The following PHGDH variants were observed in gnomAD, a reference collection of about 807,000 sequenced individuals.
The protein encoded by PHGDH is D-3-phosphoglycerate dehydrogenase.
Under a neutral mutation model 52.6 loss-of-function variants are expected in PHGDH, and 50 were observed. The observed-to-expected ratio is 0.95, with a 90% confidence interval of 0.76 to 1.20. The LOEUF (loss-of-function observed/expected upper bound fraction) is 1.20, where lower values mean the gene tolerates loss of function less well. Among genes scored for constraint, PHGDH ranks in the 50% most tolerant of loss-of-function variants. The pLI, the probability that PHGDH is intolerant of heterozygous loss-of-function variation, is 0.00. For missense variants in PHGDH, 630 were observed against 684.6 expected (o/e 0.92, Z 0.89); for synonymous variants, 271 against 280.5 (o/e 0.97, Z 0.34).
At chr1:119,726,562 A>G in intron 3 of PHGDH, 1 of 530,600 alleles carries the variant, frequency 1.9e-6, no homozygotes, top group Non-Finnish European at 3.4e-6. Context: ...GCTTAAAGTA[A>G]AAAACTCACT....
At chr1:119,741,629 C>T in intron 9 of PHGDH, 138 bp from the exon 10 acceptor site, 1 of 793,582 alleles carries the variant, frequency 1.3e-6, no homozygotes, top group Non-Finnish European at 2.2e-6. Context: ...GCGAGTGGAC[C>T]TGCCTGGAGC....
At chr1:119,723,294 T>G in intron 2 of PHGDH, 82 bp from the exon 3 acceptor site, 1 of 1,065,318 alleles carries the variant, frequency 9.4e-7, no homozygotes, top group Non-Finnish European at 1.5e-6. Context: ...GAACACAGCC[T>G]GCACTCAAGG....
Position 119,712,059 on chromosome 1 carries a change from G to A in PHGDH, c.37G>A (p.Asp13Asn). The change falls in exon 1 of 12, where the codon GAC becomes AAC. Residue 13 changes from aspartate to asparagine, a missense_variant. Asp to Asn is a conservative substitution (Grantham distance 23). Coordinates refer to ENST00000641023, the MANE Select transcript of PHGDH (RefSeq NM_006623.4). The stretch of plus-strand genomic sequence containing the variant: ...AAATCTGCGGAAAGTGCTCATCAGT[G>A]ACAGCCTGGACCCTTGCTGCCGGAA... ...FANLRKVLIS[D>N]SLDPCCRKIL... 6.2e-7 allele frequency: 1 copy of A among 1,614,232 alleles called. No individual in the cohort carries two copies. Among genetic ancestry groups the A allele is most frequent in the Non-Finnish European group, 8.5e-7 (1 of 1,180,032 alleles).
intron 3 of PHGDH, chr1:119,724,406 C>T: frequency 4.7e-6 from 1 of 214,384 alleles, no homozygotes; most frequent in South Asian, 7.6e-5. Flanking sequence ...GGGGAATTTA[C>T]CTCTGCTCTA....
chr1:119,743,903 G>C lies in PHGDH; in HGVS notation c.1465G>C (p.Gly489Arg). 2.5e-6 allele frequency: 4 copies of C among 1,614,012 alleles called. No individual in the cohort carries two copies. Among genetic ancestry groups the C allele is most frequent in the Non-Finnish European group, 3.4e-6 (4 of 1,179,886 alleles). Reference protein sequence around the residue: ...PTMIGLLAEAGVRLLSYQTSL... With the variant: ...PTMIGLLAEARVRLLSYQTSL... The stretch of plus-strand genomic sequence containing the variant: ...ATTTCCAGGCCTCCTGGCAGAGGCA[G>C]GCGTGCGGCTGCTGTCCTACCAGAC... Residue 489 changes from glycine to arginine, a missense_variant, in exon 12 of 12, where the codon GGC (glycine) becomes CGC (arginine). By Grantham distance (125) the Gly-to-Arg change is moderately radical (BLOSUM62 -2). Coordinates refer to ENST00000641023, the MANE Select transcript of PHGDH (RefSeq NM_006623.4).
At chr1:119,718,685 G>T (rs1651027991) in intron 1 of PHGDH, among the ~76,000 whole-genome samples, 1 of 152,190 alleles carries the variant, frequency 6.6e-6, no homozygotes, top group South Asian at 2.1e-4. Flanking sequence ...CCTTGGAGTT[G>T]TGAAGAGAAT....
intron 10 of PHGDH, 113 bp from the exon 11 acceptor site, chr1:119,742,694 C>T (rs1652265260): frequency 4.0e-6 from 3 of 741,352 alleles, no homozygotes; most frequent in Admixed American, 2.0e-5. Flanking sequence ...AATTACTGAG[C>T]ACATTATCCA....
chr1:119,719,078 A>G (rs1395346429), intron 1 of PHGDH, among the ~76,000 whole-genome samples: 1 of 152,172 alleles, frequency 6.6e-6, no homozygotes, highest in Non-Finnish European at 1.5e-5. Flanking sequence ...AGATGCCAGT[A>G]TCCTGTTTCT....
Position 119,727,063 on chromosome 1 carries a change from G to C in PHGDH, c.471G>C (p.Gly157=). ...TLGILGLGRI[G]REVATRMQSF... is the part of the protein sequence containing the mutation. ...GAATTCTTGGCCTGGGCAGGATTGG[G>C]AGAGAGGTAGCTACCCGGATGCAGT... The change falls in exon 5 of 12, where the codon GGG becomes GGC. Residue 157 remains glycine (G), a synonymous_variant. Transcript: ENST00000641023. The C allele has an allele frequency of 1.9e-6, 3 of 1,612,734 alleles. No homozygotes were observed. The highest frequency in any genetic ancestry group is 2.5e-6 in the Non-Finnish European group (3 of 1,178,638).
At chr1:119,721,071 G>C in intron 1 of PHGDH, 99 bp from the exon 2 acceptor site, 2 of 1,143,338 alleles carry the variant, frequency 1.7e-6, no homozygotes, top group Non-Finnish European at 2.7e-6. Flanking sequence ...TAAGGTTCCG[G>C]AAATGCATCT....
chr1:119,717,146 C>T (rs187742698), intron 1 of PHGDH, among the ~76,000 whole-genome samples: 6 of 139,594 alleles, frequency 4.3e-5, no homozygotes, highest in Admixed American at 7.9e-5. Context: ...GCAGGAGAAT[C>T]GCTTGAACCC....
intron 2 of PHGDH, among the ~76,000 whole-genome samples, chr1:119,722,615 C>T (rs1651220420): frequency 6.6e-6 from 1 of 151,708 alleles, no homozygotes; most frequent in South Asian, 2.1e-4. Context: ...CGTGTGGGGG[C>T]TCACACCTGT....
At chr1:119,720,193 G>A (rs1319608089) in intron 1 of PHGDH, 3 of 152,210 alleles carry the variant, frequency 2.0e-5, no homozygotes, top group African/African-American at 7.2e-5. Flanking sequence ...TGAGCATAAG[G>A]AAGATTGTCT....
At chr1:119,741,299 A>AG (rs1652197023) in intron 9 of PHGDH, among the ~76,000 whole-genome samples, 2 of 152,188 alleles carry the variant, frequency 1.3e-5, no homozygotes, top group Admixed American at 6.5e-5. Context: ...GGGCAGAGCC[A>AG]GGGGGTCCCA....
chr1:119,715,041 G>C (rs866425959), intron 1 of PHGDH, among the ~76,000 whole-genome samples: 1 of 152,054 alleles, frequency 6.6e-6, no homozygotes, highest in Non-Finnish European at 1.5e-5. Context: ...CTAATATGCC[G>C]GAAAATATTT....
chr1:119,740,280 A>AC, intron 8 of PHGDH, 106 bp from the exon 9 acceptor site: 1 of 1,173,092 alleles, frequency 8.5e-7, no homozygotes, highest in South Asian at 1.3e-5. Flanking sequence ...GGCAGGAGTG[A>AC]CCCTATACTG....
chr1:119,735,520 G>C, intron 7 of PHGDH, 77 bp downstream of exon 7: 5 of 1,419,574 alleles, frequency 3.5e-6, no homozygotes, highest in Non-Finnish European at 4.9e-6. Flanking sequence ...GGAAAGCCTG[G>C]CGTTTTACAG....
intron 1 of PHGDH, among the ~76,000 whole-genome samples, chr1:119,719,352 T>C (rs1457841496): frequency 6.6e-6 from 1 of 152,232 alleles, no homozygotes; most frequent in African/African-American, 2.4e-5. Flanking sequence ...TAGGCAGGCT[T>C]AACTTTGTTG....
chr1:119,740,547 G>A lies in PHGDH; in HGVS notation c.1078+29G>A, dbSNP rs376297912. 118 of 1,539,438 alleles carry A rather than the reference G, an allele frequency of 7.7e-5. No individual in the cohort carries two copies. The African/African-American group carries it at 1.5e-3, about 19-fold the overall frequency. On this transcript the variant is annotated intron_variant, in intron 9 of 11. Coordinates refer to ENST00000641023, the MANE Select transcript of PHGDH (RefSeq NM_006623.4). Reference sequence around the variant, plus strand: ...AGCTGGGGACCTTGCAGAGGGAGGGGGAGGAGGGGATGAGGGAGTGTGGGA... The same window carrying A: ...AGCTGGGGACCTTGCAGAGGGAGGGAGAGGAGGGGATGAGGGAGTGTGGGA...
Sources: gnomAD v4.1 joint callset for allele counts (sites outside exome capture counted in the v4.1 genomes callset) on GRCh38, gnomAD v4.1.1 for gene constraint, MANE v1.5 for transcripts, NCBI Gene and HGNC (gene_info 2026-07-23, HGNC 2026-07-21) for gene names.